KIF13B: variants seen among roughly 807,000 people sequenced by gnomAD.
KIF13B encodes kinesin-like protein KIF13B.
A neutral mutation model predicts 222.0 loss-of-function variants in KIF13B; 127 were observed. The ratio of observed to expected loss-of-function variants is 0.57; its 90% CI spans 0.50 to 0.66. The LOEUF is 0.66. Ranked by LOEUF, KIF13B falls within the 30% of genes least tolerant of loss-of-function variation. The probability of loss-of-function intolerance (pLI) is 0.00; values close to 1 mark genes in which losing one functional copy is unlikely to be tolerated. For missense variants in KIF13B, 2,173 were observed against 2,379.0 expected (o/e 0.91, Z 1.80); for synonymous variants, 976 against 919.0 (o/e 1.06, Z -1.12).
intron 1 of KIF13B, among the ~76,000 whole-genome samples, chr8:29,248,766 G>C (rs1816151780): frequency 6.6e-6 from 1 of 152,194 alleles, no homozygotes; most frequent in African/African-American, 2.4e-5. Context: ...CTAATGCTAA[G>C]TGAAAAAAGC....
chr8:29,232,292 A>C (rs1475864624), intron 2 of KIF13B, among the ~76,000 whole-genome samples: 1 of 151,036 alleles, frequency 6.6e-6, no homozygotes, highest in Non-Finnish European at 1.5e-5. Context: ...AAAATAAATA[A>C]AAATTTAAAA....
chr8:29,140,238 T>TGC, intron 20 of KIF13B, 47 bp from the exon 21 acceptor site: 1 of 1,609,550 alleles, frequency 6.2e-7, no homozygotes, highest in Non-Finnish European at 8.5e-7. Context: ...ATTTGGTTCG[T>TGC]GCTCCCTTGA....
chr8:29,070,390 C>A lies in KIF13B; in HGVS notation c.*114G>T. On this transcript the variant is annotated 3_prime_UTR_variant, in exon 40 of 40. Transcript: ENST00000524189. This position sits in a 1 kb window ranked among gnomAD's most constrained non-coding sequence, Gnocchi z 4.1. ...AGCCCTGTGTCGTGCAAAAAGCATT[C>A]ATCGCCCTGCCCCTGGGGAAGGGGC... 8.4e-7 allele frequency: 1 copy of A among 1,191,912 alleles called. No homozygotes were observed. Among genetic ancestry groups the A allele is most frequent in the Non-Finnish European group, 1.2e-6 (1 of 846,078 alleles). 73.8% of individuals were successfully genotyped at this position (1,191,912 alleles called of 1,614,324 possible). A position where few individuals can be genotyped will look rare whatever the true frequency, so the allele number is the denominator to read the frequency against.
At chr8:29,201,193 G>A (rs1279776044) in intron 2 of KIF13B, among the ~76,000 whole-genome samples, 1 of 152,204 alleles carries the variant, frequency 6.6e-6, no homozygotes, top group African/African-American at 2.4e-5. Context: ...CCCAGCCCAG[G>A]TGGATGACCA....
chr8:29,140,436 T>C, intron 20 of KIF13B, 32 bp downstream of exon 20: 2 of 1,603,404 alleles, frequency 1.2e-6, no homozygotes, highest in Non-Finnish European at 1.7e-6. Context: ...AACTATTCTC[T>C]ACAGGAAACA....
chr8:29,069,563 T>A lies in KIF13B; in HGVS notation c.*941A>T, dbSNP rs765913627. ...AAGTTAAGAGTAAGGCCACTGTGGATCCGCAATAGAGGGATGTGAGGAGGG... is the reference window on the plus strand; with the variant it reads ...AAGTTAAGAGTAAGGCCACTGTGGAACCGCAATAGAGGGATGTGAGGAGGG... On this transcript the variant is annotated 3_prime_UTR_variant, in exon 40 of 40. Coordinates refer to ENST00000524189, the MANE Select transcript of KIF13B (RefSeq NM_015254.4). The A allele has an allele frequency of 1.3e-5, 2 of 152,250 alleles. No individual in the cohort carries two copies. Among genetic ancestry groups the A allele is most frequent in the Non-Finnish European group, 2.9e-5 (2 of 68,078 alleles). 9.4% of individuals were successfully genotyped at this position (152,250 alleles called of 1,614,324 possible).
At chr8:29,220,781 G>T (rs973811523) in intron 2 of KIF13B, among the ~76,000 whole-genome samples, 5 of 152,140 alleles carry the variant, frequency 3.3e-5, no homozygotes, top group Non-Finnish European at 5.9e-5. Context: ...TAAGAAAAGA[G>T]TAGAGAGATA....
chr8:29,257,456 A>G (rs1464327693), intron 1 of KIF13B, among the ~76,000 whole-genome samples: 1 of 152,118 alleles, frequency 6.6e-6, no homozygotes, highest in Non-Finnish European at 1.5e-5. Context: ...CTTAATTAAT[A>G]GTTTTGTCAG....
intron 2 of KIF13B, among the ~76,000 whole-genome samples, chr8:29,211,954 T>C (rs1224392372): frequency 6.6e-6 from 1 of 152,232 alleles, no homozygotes; most frequent in African/African-American, 2.4e-5. Context: ...TACTATAAAA[T>C]ATGTAGCTTT....
intron 21 of KIF13B, among the ~76,000 whole-genome samples, chr8:29,135,503 AT>A (rs2129873182): frequency 6.6e-6 from 1 of 152,288 alleles, no homozygotes; most frequent in East Asian, 1.9e-4. Context: ...CATAAATCAT[AT>A]TTTTCACCTG....
Position 29,070,918 on chromosome 8 carries a change from C to T in KIF13B, c.5219-152G>A, listed in dbSNP as rs559821126. Among the ~76,000 whole-genome samples, 1 of 152,322 alleles carries T rather than the reference C, an allele frequency of 6.6e-6. No homozygotes were observed. Among genetic ancestry groups the T allele is most frequent in the Admixed American group, 6.5e-5 (1 of 15,308 alleles). On this transcript the variant is annotated intron_variant, in intron 39 of 39. Coordinates refer to ENST00000524189, the MANE Select transcript of KIF13B (RefSeq NM_015254.4). This position sits in a 1 kb window ranked among gnomAD's most constrained non-coding sequence, Gnocchi z 4.1. ...CACTCGGACACTGGCCATTGTCTGG[C>T]AGGGACTGGCTAAATGAATGTGGCC...
At chr8:29,253,647 T>C (rs760661723) in intron 1 of KIF13B, among the ~76,000 whole-genome samples, 8 of 151,734 alleles carry the variant, frequency 5.3e-5, no homozygotes, top group Non-Finnish European at 8.8e-5. Flanking sequence ...CTGGCCAACA[T>C]GGTGAAACCC....
chr8:29,181,630 T>C (rs569809473), intron 7 of KIF13B, among the ~76,000 whole-genome samples: 11 of 152,292 alleles, frequency 7.2e-5, no homozygotes, highest in African/African-American at 2.6e-4. Flanking sequence ...GGCCCCAGAA[T>C]GGGAAAACAA....
At chr8:29,250,661 G>C (rs537157544) in intron 1 of KIF13B, among the ~76,000 whole-genome samples, 1 of 152,050 alleles carries the variant, frequency 6.6e-6, no homozygotes, top group Non-Finnish European at 1.5e-5. Context: ...CAACCCTGTC[G>C]ATTGAAGGAT....
At chr8:29,260,869 C>T (rs1485058455) in intron 1 of KIF13B, among the ~76,000 whole-genome samples, 2 of 152,180 alleles carry the variant, frequency 1.3e-5, no homozygotes, top group African/African-American at 4.8e-5. Flanking sequence ...CCACCCGCCT[C>T]GGCCTCCCAA....
At chr8:29,113,414 C>G (rs1385172453) in intron 32 of KIF13B, 49 bp downstream of exon 32, 1 of 1,162,026 alleles carries the variant, frequency 8.6e-7, no homozygotes, top group Admixed American at 2.2e-5. Flanking sequence ...AGGGAGTTGG[C>G]TCTTTTTAAG....
At chr8:29,119,968 G>C (rs1188620831) in intron 29 of KIF13B, among the ~76,000 whole-genome samples, 1 of 152,218 alleles carries the variant, frequency 6.6e-6, no homozygotes, top group Non-Finnish European at 1.5e-5. Context: ...ATTAAGGAGA[G>C]TTAACGTTAA....
intron 2 of KIF13B, among the ~76,000 whole-genome samples, chr8:29,228,473 A>AAAAAAAAAAAAATG (rs369624890): frequency 5.6e-5 from 1 of 17,746 alleles, no homozygotes; most frequent in African/African-American, 1.0e-4. Context: ...TCTTAAAAAA[A>AAAAAAAAAAAAATG]TATATATATA....
chr8:29,180,194 A>C lies in KIF13B; in HGVS notation c.630T>G (p.Val210=). ...LMSEGNKSRT[V]AATNMNEESS... ...TCTCCTCGTTCATGTTGGTTGCAGCAACTGTGCGAGATTTGTTACCCTCAG... is the reference window on the plus strand; with the variant it reads ...TCTCCTCGTTCATGTTGGTTGCAGCCACTGTGCGAGATTTGTTACCCTCAG... Residue 210 remains valine, a synonymous_variant, in exon 8 of 40, where the codon GTT becomes GTG. Transcript: ENST00000524189. 1 of 1,614,006 alleles carries C rather than the reference A, an allele frequency of 6.2e-7. No homozygotes were observed. Among genetic ancestry groups the C allele is most frequent in the Non-Finnish European group, 8.5e-7 (1 of 1,179,870 alleles).
Sources: gnomAD v4.1 joint callset for allele counts (sites outside exome capture counted in the v4.1 genomes callset) on GRCh38, gnomAD v4.1.1 for gene constraint, Gnocchi (gnomAD v3.1) non-coding constraint, MANE v1.5 for transcripts, NCBI Gene and HGNC (gene_info 2026-07-23, HGNC 2026-07-21) for gene names.